The following SLC25A26 variants were observed in gnomAD, a reference collection of about 807,000 sequenced individuals.
The protein encoded by SLC25A26 is mitochondrial S-adenosylmethionine carrier protein.
A neutral mutation model predicts 37.8 loss-of-function variants in SLC25A26; 36 were observed. That is an observed-to-expected ratio of 0.95 (90% CI 0.73 to 1.26). The LOEUF (loss-of-function observed/expected upper bound fraction) is 1.26, where lower values mean the gene tolerates loss of function less well. Ranked by LOEUF, SLC25A26 falls within the 50% of genes most tolerant of loss-of-function variation. The probability of loss-of-function intolerance (pLI) is 0.00; values close to 1 mark genes in which losing one functional copy is unlikely to be tolerated. For missense variants in SLC25A26, 390 were observed against 331.1 expected (o/e 1.18, Z -1.38); for synonymous variants, 129 against 122.5 (o/e 1.05, Z -0.35).
chr3:66,232,745 G>T (rs1311934430), intron 1 of SLC25A26, among the ~76,000 whole-genome samples: 1 of 152,256 alleles, frequency 6.6e-6, no homozygotes, highest in Non-Finnish European at 1.5e-5. Flanking sequence ...AACCTCCAGA[G>T]CCTGGAAGGC....
chr3:66,205,054 T>C (rs2071159705), intron 1 of SLC25A26, among the ~76,000 whole-genome samples: 1 of 152,336 alleles, frequency 6.6e-6, no homozygotes, highest in East Asian at 1.9e-4. Context: ...TTTGTTTTAT[T>C]TGGGTTTTCC....
intron 1 of SLC25A26, among the ~76,000 whole-genome samples, chr3:66,225,243 A>G (rs1361645858): frequency 6.6e-6 from 1 of 152,180 alleles, no homozygotes. Flanking sequence ...CTCGGCCTGG[A>G]CATCCCGACG....
chr3:66,144,814 A>G (rs1002078622), intron 1 of SLC25A26, among the ~76,000 whole-genome samples: 8 of 152,228 alleles, frequency 5.3e-5, no homozygotes, highest in Non-Finnish European at 1.2e-4. Context: ...TTCTTTAAGC[A>G]TGACTTCAAA....
At chr3:66,243,401 T>A in intron 3 of SLC25A26, 89 bp downstream of exon 3, 1 of 645,224 alleles carries the variant, frequency 1.5e-6, no homozygotes, top group Non-Finnish European at 2.6e-6. Context: ...TTTTAAAAAT[T>A]ATTTTTAAAT....
chr3:66,270,293 A>G (rs552097967), intron 5 of SLC25A26, among the ~76,000 whole-genome samples: 1 of 152,214 alleles, frequency 6.6e-6, no homozygotes, highest in African/African-American at 2.4e-5. Context: ...TAGCACTTCT[A>G]CTGAAAAGGA....
At position 66,206,894 on chromosome 3, in the gene SLC25A26, CTT is replaced by C. The variant is rs1192766670; in HGVS notation, c.-353-13828_-353-13827del. ...ACCCCTGGCTAATTTTTCTTTCTTTCTTTTTTTTTTTTTTTTTTTTTAACACG... is the reference window on the plus strand; with the variant it reads ...ACCCCTGGCTAATTTTTCTTTCTTTCTTTTTTTTTTTTTTTTTTTAACACG... On this transcript the variant is annotated intron_variant, in intron 1 of 10. Transcript: ENST00000676754. Among the ~76,000 whole-genome samples the C allele has an allele frequency of 5.5e-3, 689 of 124,520 alleles. 9 individuals are homozygous for C. Among genetic ancestry groups the C allele is most frequent in the African/African-American group, 0.018 (629 of 34,170 alleles). 81.7% of individuals were successfully genotyped at this position (124,520 alleles called of 152,430 possible). A position where few individuals can be genotyped will look rare whatever the true frequency, so the allele number is the denominator to read the frequency against.
intron 1 of SLC25A26, among the ~76,000 whole-genome samples, chr3:66,152,175 A>G (rs1315314543): frequency 2.6e-5 from 4 of 152,220 alleles, no homozygotes; most frequent in Non-Finnish European, 1.5e-5. Flanking sequence ...GTTACAATGC[A>G]GCTTCTGATT....
At chr3:66,303,065 T>C (rs2075120720) in intron 5 of SLC25A26, among the ~76,000 whole-genome samples, 1 of 152,170 alleles carries the variant, frequency 6.6e-6, no homozygotes, top group Non-Finnish European at 1.5e-5. Context: ...GTAGTGACAA[T>C]TTAAATGTCC....
At chr3:66,162,750 G>C (rs1233946064) in intron 1 of SLC25A26, among the ~76,000 whole-genome samples, 5 of 152,336 alleles carry the variant, frequency 3.3e-5, no homozygotes, top group South Asian at 2.1e-4. Flanking sequence ...CAGTCTCTTG[G>C]CTGTCATCAC....
intron 5 of SLC25A26, among the ~76,000 whole-genome samples, chr3:66,341,162 T>A (rs2107716373): frequency 6.6e-6 from 1 of 152,258 alleles, no homozygotes; most frequent in Non-Finnish European, 1.5e-5. Context: ...ATTCATGATC[T>A]TAAGGGGAAA....
At chr3:66,304,685 A>G (rs929398844) in intron 5 of SLC25A26, 10 of 261,676 alleles carry the variant, frequency 3.8e-5, no homozygotes, top group African/African-American at 1.6e-4. Context: ...TTTTAGAATC[A>G]TTATATCCAG....
chr3:66,185,414 G>A (rs1378424744), intron 1 of SLC25A26, among the ~76,000 whole-genome samples: 2 of 152,138 alleles, frequency 1.3e-5, no homozygotes, highest in Non-Finnish European at 2.9e-5. Flanking sequence ...ATAAACATGA[G>A]CGTTCAAGTA....
At chr3:66,236,134 A>G (rs193121471) in intron 1 of SLC25A26, among the ~76,000 whole-genome samples, 2 of 138,192 alleles carry the variant, frequency 1.4e-5, no homozygotes, top group African/African-American at 5.5e-5. Context: ...CTGGTATTGA[A>G]CTCCTGGCCT....
At chr3:66,238,712 A>T (rs1048940439) in intron 2 of SLC25A26, among the ~76,000 whole-genome samples, 1 of 152,184 alleles carries the variant, frequency 6.6e-6, no homozygotes, top group Non-Finnish European at 1.5e-5. Flanking sequence ...CAGAGAAAAA[A>T]TACTAAGAAA....
chr3:66,366,833 A>G (rs1318309688), intron 7 of SLC25A26, among the ~76,000 whole-genome samples: 1 of 152,242 alleles, frequency 6.6e-6, no homozygotes, highest in Non-Finnish European at 1.5e-5. Flanking sequence ...TGGAGTCATC[A>G]TACATGTGAC....
chr3:66,136,403 T>C (rs771695578), intron 1 of SLC25A26, among the ~76,000 whole-genome samples: 1 of 152,226 alleles, frequency 6.6e-6, no homozygotes, highest in Non-Finnish European at 1.5e-5. Context: ...CTTATCACTC[T>C]CCATTGGCCT....
rs550953652 is a variant in SLC25A26 at position 66,309,200 on chromosome 3, G to A, written c.454-37164G>A. 8.5e-5 allele frequency among the ~76,000 whole-genome samples: 13 copies of A among 152,276 alleles called. No homozygotes were observed. The South Asian group carries it at 2.3e-3, about 27-fold the overall frequency. ...TGCATCAATTTCAGAACTTGTTATT[G>A]GACTATTCAGGGATTCGACTTCTTC... On this transcript the variant is annotated intron_variant, in intron 5 of 9. Coordinates refer to ENST00000354883, the MANE Select transcript of SLC25A26 (RefSeq NM_001379210.1).
At chr3:66,179,326 G>GTGT (rs1382740096) in intron 1 of SLC25A26, among the ~76,000 whole-genome samples, 1 of 152,136 alleles carries the variant, frequency 6.6e-6, no homozygotes, top group Non-Finnish European at 1.5e-5. Flanking sequence ...AATTTAATGT[G>GTGT]TGTTGATTTG....
At chr3:66,361,331 T>C (rs142737067) in intron 6 of SLC25A26, among the ~76,000 whole-genome samples, 319 of 152,360 alleles carry the variant, frequency 2.1e-3, no homozygotes, top group African/African-American at 7.4e-3. Flanking sequence ...TTTGTGACTT[T>C]GAGTTAGGCA....
Sources: allele counts gnomAD v4.1 joint callset (sites outside exome capture counted in the v4.1 genomes callset), GRCh38; gene constraint gnomAD v4.1.1; transcripts MANE v1.5; gene names NCBI Gene and HGNC (gene_info 2026-07-23, HGNC 2026-07-21).